Variants in ASAP1 observed in about 807,000 individuals in gnomAD.
ASAP1 encodes the protein ArfGAP with SH3 domain, ankyrin repeat and PH domain 1, also known as arf-GAP with SH3 domain, ANK repeat and PH domain-containing protein 1.
Under a neutral mutation model 145.2 loss-of-function variants are expected in ASAP1, and 43 were observed. The ratio of observed to expected loss-of-function variants is 0.30; its 90% CI spans 0.23 to 0.38. The LOEUF (loss-of-function observed/expected upper bound fraction) is 0.38, where lower values mean the gene tolerates loss of function less well. Ranked by LOEUF, ASAP1 falls within the 10% of genes least tolerant of loss-of-function variation. The probability of loss-of-function intolerance (pLI) is 1.00; values close to 1 mark genes in which losing one functional copy is unlikely to be tolerated. For missense variants in ASAP1, 1,018 were observed against 1,355.3 expected (o/e 0.75, Z 3.91); for synonymous variants, 546 against 515.5 (o/e 1.06, Z -0.80).
chr8:130,160,700 T>C, intron 11 of ASAP1: 1 of 910,492 alleles, frequency 1.1e-6, no homozygotes, highest in Non-Finnish European at 1.5e-6. Flanking sequence ...AGAAATAAAA[T>C]CAACAACGTT....
chr8:130,206,289 C>A (rs575037460), intron 5 of ASAP1, among the ~76,000 whole-genome samples: 1 of 152,126 alleles, frequency 6.6e-6, no homozygotes, highest in Admixed American at 6.5e-5. Flanking sequence ...TTATATAGTT[C>A]AGGGCACCCA....
intron 2 of ASAP1, among the ~76,000 whole-genome samples, chr8:130,376,967 G>C (rs202142952): frequency 6.7e-6 from 1 of 150,184 alleles, no homozygotes; most frequent in East Asian, 1.9e-4. Flanking sequence ...GTTGAAATGG[G>C]GCAAGAGATG....
intron 1 of ASAP1, among the ~76,000 whole-genome samples, chr8:130,407,125 G>T (rs1829067522): frequency 6.6e-6 from 1 of 152,206 alleles, no homozygotes; most frequent in Non-Finnish European, 1.5e-5. Flanking sequence ...GAATGCATGG[G>T]ATCTAGTTGT....
chr8:130,343,713 G>A (rs1825531059), intron 3 of ASAP1, among the ~76,000 whole-genome samples: 1 of 152,170 alleles, frequency 6.6e-6, no homozygotes, highest in Non-Finnish European at 1.5e-5. Flanking sequence ...CCGCTCCAAG[G>A]TGAACAACAG....
intron 3 of ASAP1, among the ~76,000 whole-genome samples, chr8:130,315,992 G>A (rs1823642331): frequency 6.6e-6 from 1 of 151,456 alleles, no homozygotes; most frequent in Admixed American, 6.6e-5. Flanking sequence ...TGTGCCCTTC[G>A]GGTCCCTTCT....
At chr8:130,201,076 C>T (rs1478706722) in intron 5 of ASAP1, among the ~76,000 whole-genome samples, 1 of 152,148 alleles carries the variant, frequency 6.6e-6, no homozygotes, top group Non-Finnish European at 1.5e-5. Flanking sequence ...TCAGAAACTC[C>T]AAGAGTGGGT....
intron 2 of ASAP1, among the ~76,000 whole-genome samples, chr8:130,363,576 T>C (rs990003895): frequency 6.6e-6 from 1 of 152,184 alleles, no homozygotes; most frequent in African/African-American, 2.4e-5. Context: ...ACTTTCTCAG[T>C]TTCCATCTGG....
intron 1 of ASAP1, among the ~76,000 whole-genome samples, chr8:130,425,748 A>G (rs2138737196): frequency 6.6e-6 from 1 of 152,350 alleles, no homozygotes; most frequent in South Asian, 2.1e-4. Context: ...GCACTGGGCT[A>G]GGTTTTAAGG....
At chr8:130,055,866 C>T (rs769396892) in intron 29 of ASAP1, among the ~76,000 whole-genome samples, 3 of 152,236 alleles carry the variant, frequency 2.0e-5, no homozygotes, top group South Asian at 2.1e-4. Context: ...GGCTTGCCCA[C>T]CCACCGCGTG....
chr8:130,229,621 G>C (rs1329737530), intron 4 of ASAP1, among the ~76,000 whole-genome samples: 3 of 152,204 alleles, frequency 2.0e-5, no homozygotes, highest in Admixed American at 2.0e-4. Context: ...ACCTGGCACA[G>C]AGTAGGTATT....
intron 1 of ASAP1, among the ~76,000 whole-genome samples, chr8:130,431,754 T>A (rs1830141279): frequency 6.6e-6 from 1 of 150,748 alleles, no homozygotes; most frequent in African/African-American, 2.4e-5. Context: ...GATAGCAGAG[T>A]ATGCAGCACA....
intron 9 of ASAP1, among the ~76,000 whole-genome samples, chr8:130,174,311 T>C (rs1027107727): frequency 6.6e-6 from 1 of 152,194 alleles, no homozygotes; most frequent in Non-Finnish European, 1.5e-5. Flanking sequence ...GAAGCACATG[T>C]GTGAGTTCTG....
At chr8:130,319,575 A>T (rs1823875355) in intron 3 of ASAP1, among the ~76,000 whole-genome samples, 1 of 152,194 alleles carries the variant, frequency 6.6e-6, no homozygotes, top group Admixed American at 6.5e-5. Context: ...TGAAGATGGG[A>T]CACACTGGCA....
rs1169635793 is a variant in ASAP1 at position 130,053,174 on chromosome 8, G to GT, written c.*1556dup. Reference sequence around the variant, plus strand: ...CGATGGAAGAGGGCTTTTCCTAAGGGTTGGGTTGGGAGTTGTGCTTCTGTG... The same window carrying GT: ...CGATGGAAGAGGGCTTTTCCTAAGGGTTTGGGTTGGGAGTTGTGCTTCTGTG... On this transcript the variant is annotated 3_prime_UTR_variant, in exon 30 of 30. Transcript: ENST00000518721. 6.6e-6 allele frequency: 1 copy of GT among 152,212 alleles called. No individual in the cohort carries two copies. The highest frequency in any genetic ancestry group is 1.5e-5 in the Non-Finnish European group (1 of 68,038). 9.4% of individuals were successfully genotyped at this position (152,212 alleles called of 1,614,324 possible).
At chr8:130,243,387 A>G (rs565637699) in intron 3 of ASAP1, among the ~76,000 whole-genome samples, 1 of 152,330 alleles carries the variant, frequency 6.6e-6, no homozygotes, top group Admixed American at 6.5e-5. Flanking sequence ...ATTTCTTCAC[A>G]TAGAAGATGC....
At chr8:130,269,523 T>G (rs1335573371) in intron 3 of ASAP1, among the ~76,000 whole-genome samples, 2 of 152,232 alleles carry the variant, frequency 1.3e-5, no homozygotes, top group African/African-American at 4.8e-5. Flanking sequence ...CAGATTAAAC[T>G]GCCTCCCAGT....
At chr8:130,231,134 A>C (rs1013965995) in intron 4 of ASAP1, among the ~76,000 whole-genome samples, 1 of 152,232 alleles carries the variant, frequency 6.6e-6, no homozygotes, top group Non-Finnish European at 1.5e-5. Context: ...TAAAATAGAT[A>C]ATTTAACAAA....
intron 23 of ASAP1, 118 bp downstream of exon 23, chr8:130,115,510 C>T: frequency 1.3e-6 from 1 of 788,068 alleles, no homozygotes; most frequent in Middle Eastern, 2.6e-4. Context: ...ATAAATGGCC[C>T]TGATACATTG....
intron 24 of ASAP1, among the ~76,000 whole-genome samples, chr8:130,094,617 C>T (rs889265231): frequency 2.0e-5 from 3 of 152,024 alleles, no homozygotes; most frequent in Admixed American, 6.6e-5. Flanking sequence ...ATTTTGCAGC[C>T]GAGAACTCAG....
Sources: gnomAD v4.1 joint callset for allele counts (sites outside exome capture counted in the v4.1 genomes callset) on GRCh38, gnomAD v4.1.1 for gene constraint, MANE v1.5 for transcripts, NCBI Gene and HGNC (gene_info 2026-07-23, HGNC 2026-07-21) for gene names.